The following KMT2C variants were observed in gnomAD, a reference collection of about 807,000 sequenced individuals.
KMT2C encodes the protein lysine methyltransferase 2C.
A neutral mutation model predicts 507.9 loss-of-function variants in KMT2C; 88 were observed. That is an observed-to-expected ratio of 0.17 (90% CI 0.15 to 0.21). The LOEUF is 0.21. Among genes scored for constraint, KMT2C ranks in the 10% least tolerant of loss-of-function variants. The probability of loss-of-function intolerance (pLI) is 1.00; values close to 1 mark genes in which losing one functional copy is unlikely to be tolerated. For synonymous variants in KMT2C, 2,049 were observed against 2,080.8 expected (o/e 0.98, Z 0.42); for missense variants, 4,954 against 5,957.8 (o/e 0.83, Z 5.55).
intron 1 of KMT2C, among the ~76,000 whole-genome samples, chr7:152,378,239 G>A (rs1487438194): frequency 6.6e-6 from 1 of 152,184 alleles, no homozygotes; most frequent in African/African-American, 2.4e-5. Context: ...CTATCAAACA[G>A]CATCACGTGC....
chr7:152,249,320 G>GTTT (rs200151238), intron 13 of KMT2C, among the ~76,000 whole-genome samples: 6 of 94,662 alleles, frequency 6.3e-5, no homozygotes, highest in African/African-American at 2.3e-4. Flanking sequence ...AATTTATCTG[G>GTTT]TTTTTTTTTT....
At position 152,162,548 on chromosome 7, in the gene KMT2C, A is replaced by G. The variant is rs759182615; in HGVS notation, c.11029T>C (p.Cys3677Arg). The G allele has an allele frequency of 2.6e-5, 42 of 1,614,114 alleles. No individual in the cohort carries two copies. Among genetic ancestry groups the G allele is most frequent in the Non-Finnish European group, 3.3e-5 (39 of 1,180,050 alleles). ...GGCAGTTTGTTCTCTAATTCTGTACATAGCTGGCCTGCTGCCATATTGGGA... is the reference window on the plus strand; with the variant it reads ...GGCAGTTTGTTCTCTAATTCTGTACGTAGCTGGCCTGCTGCCATATTGGGA... ...STPNMAAGQL[C>R]TELENKLPNS... The change falls in exon 43 of 59, where the codon TGT becomes CGT. Residue 3677 changes from cysteine (C) to arginine (R), a missense_variant. Physicochemically the swap from Cys to Arg is radical, Grantham distance 180 (BLOSUM62 -3). Transcript: ENST00000262189.
chr7:152,170,192 T>C (rs1340562309), intron 40 of KMT2C, among the ~76,000 whole-genome samples: 1 of 152,200 alleles, frequency 6.6e-6, no homozygotes, highest in Non-Finnish European at 1.5e-5. Context: ...TATAATTTCT[T>C]TAAAAAAACT....
At chr7:152,196,163 C>G (rs917468333) in intron 27 of KMT2C, 152 bp from the exon 28 acceptor site, 6 of 453,038 alleles carry the variant, frequency 1.3e-5, no homozygotes, top group Non-Finnish European at 2.4e-5. Context: ...TTTTCCATAG[C>G]AAAGGAGATA....
At chr7:152,367,067 G>C (rs2097253237) in intron 1 of KMT2C, 1 of 707,002 alleles carries the variant, frequency 1.4e-6, no homozygotes, top group Non-Finnish European at 2.4e-6. Context: ...GAAATCTGTA[G>C]TCAGAACTCT....
In KMT2C at chr7:152,144,806, A is replaced by G. The variant is rs772057491; in HGVS notation, c.14250T>C (p.Tyr4750=). 5 of 1,614,034 alleles carry G rather than the reference A, an allele frequency of 3.1e-6. No homozygotes were observed. Among genetic ancestry groups the G allele is most frequent in the East Asian group, 2.2e-5 (1 of 44,894 alleles). Residue 4750 remains tyrosine, a synonymous_variant, in exon 55 of 59, where the codon TAT becomes TAC. Coordinates refer to ENST00000262189, the MANE Select transcript of KMT2C (RefSeq NM_170606.3). The surrounding 1 kb of genome is among the most constrained non-coding windows in gnomAD (Gnocchi z 4.4). ...ACTTGGAGTGAACAAACTGTTTACT[A>G]TAAGGTGCGTTCAGTTCTCCAGTGA... ...STVTGELNAP[Y]SKQFVHSKSS...
chr7:152,159,173 TA>T, intron 43 of KMT2C, 101 bp from the exon 44 acceptor site: 1 of 921,322 alleles, frequency 1.1e-6, no homozygotes, highest in Non-Finnish European at 1.7e-6. Context: ...AACATGGCAC[TA>T]AAAGGTATTA....
chr7:152,374,227 A>G (rs915248762), intron 1 of KMT2C, among the ~76,000 whole-genome samples: 1 of 152,012 alleles, frequency 6.6e-6, no homozygotes, highest in African/African-American at 2.4e-5. Flanking sequence ...GAGGCACAAG[A>G]ATCACTTGAA....
intron 2 of KMT2C, among the ~76,000 whole-genome samples, chr7:152,340,463 G>A (rs775164182): frequency 6.6e-6 from 1 of 152,062 alleles, no homozygotes; most frequent in African/African-American, 2.4e-5. Context: ...TATGTTTTCT[G>A]GATATATCTC....
chr7:152,322,209 G>A (rs915021758), intron 3 of KMT2C, among the ~76,000 whole-genome samples: 15 of 151,826 alleles, frequency 9.9e-5, no homozygotes, highest in Admixed American at 4.6e-4. Context: ...CTAAAAATAC[G>A]AAAATAAGCC....
chr7:152,423,127 G>A (rs1383357706), intron 1 of KMT2C, among the ~76,000 whole-genome samples: 1 of 151,984 alleles, frequency 6.6e-6, no homozygotes, highest in African/African-American at 2.4e-5. Context: ...GATCACCAGA[G>A]GTCAGGAGTT....
intron 1 of KMT2C, among the ~76,000 whole-genome samples, chr7:152,427,681 C>T (rs570587625): frequency 4.6e-5 from 7 of 152,192 alleles, no homozygotes; most frequent in African/African-American, 1.4e-4. Context: ...ATAACTGGTC[C>T]CCTATCTCCT....
chr7:152,394,330 T>C (rs2097523724), intron 1 of KMT2C, among the ~76,000 whole-genome samples: 1 of 152,304 alleles, frequency 6.6e-6, no homozygotes, highest in South Asian at 2.1e-4. Context: ...TACAAGGCCC[T>C]GCACAATCTG....
At chr7:152,158,609 A>AG (rs1301103761) in intron 44 of KMT2C, among the ~76,000 whole-genome samples, 1 of 150,884 alleles carries the variant, frequency 6.6e-6, no homozygotes, top group African/African-American at 2.4e-5. Context: ...TCTGCCATCC[A>AG]GGCTCAAGCA....
At position 152,139,000 on chromosome 7, in the gene KMT2C, A is replaced by G. The variant is rs2090200703; in HGVS notation, c.14535-96T>C. 2 of 1,078,156 alleles carry G rather than the reference A, an allele frequency of 1.9e-6. No homozygotes were observed. 66.8% of individuals were successfully genotyped at this position (1,078,156 alleles called of 1,614,324 possible). A position where few individuals can be genotyped will look rare whatever the true frequency, so the allele number is the denominator to read the frequency against. On this transcript the variant is annotated intron_variant, in intron 57 of 58. Transcript: ENST00000262189. The surrounding 1 kb of genome is among the most constrained non-coding windows in gnomAD (Gnocchi z 4.2). ...TGATAAAGCAGTTTTTGCTAATTAA[A>G]TTTCTATTTGCCCATTGTTAGAAGC...
At chr7:152,145,005 G>A in intron 54 of KMT2C, 124 bp from the exon 55 acceptor site, 3 of 1,369,432 alleles carry the variant, frequency 2.2e-6, no homozygotes, top group Admixed American at 2.4e-5. Flanking sequence ...AAGCTGCCTA[G>A]CAGAGACACA....
rs542973542 is a variant in KMT2C, at chr7:152,380,333, C to T, written c.162-21658G>A. ...CTATAATCCCAGCACTTTGGGAGGC[C>T]GAGGCAGGCAGATCACCTGAGGTCA... On this transcript the variant is annotated intron_variant, in intron 1 of 58. Coordinates refer to ENST00000262189, the MANE Select transcript of KMT2C (RefSeq NM_170606.3). Among the ~76,000 whole-genome samples, 8 of 152,260 alleles carry T rather than the reference C, an allele frequency of 5.3e-5. No homozygotes were observed. In the South Asian group the frequency reaches 1.5e-3, roughly 28 times the overall value.
At chr7:152,366,580 A>G (rs560177064) in intron 1 of KMT2C, among the ~76,000 whole-genome samples, 7 of 152,332 alleles carry the variant, frequency 4.6e-5, no homozygotes, top group Admixed American at 1.3e-4. Context: ...GGTGGTTGCC[A>G]GAGGCTGAGA....
At chr7:152,248,885 T>C (rs2095518202) in intron 13 of KMT2C, among the ~76,000 whole-genome samples, 1 of 152,182 alleles carries the variant, frequency 6.6e-6, no homozygotes, top group South Asian at 2.1e-4. Context: ...AAAGTTCTCA[T>C]ACTCATTTTT....
Sources: allele counts gnomAD v4.1 joint callset (sites outside exome capture counted in the v4.1 genomes callset), GRCh38; gene constraint gnomAD v4.1.1; non-coding constraint Gnocchi (gnomAD v3.1); transcripts MANE v1.5; gene names NCBI Gene and HGNC (gene_info 2026-07-23, HGNC 2026-07-21).